Variants in APBA1 observed in about 807,000 individuals in gnomAD.
APBA1 encodes amyloid beta precursor protein binding family A member 1, also known as amyloid-beta A4 precursor protein-binding family A member 1.
Under a neutral mutation model 86.6 loss-of-function variants are expected in APBA1, and 55 were observed. The ratio of observed to expected loss-of-function variants is 0.64; its 90% confidence interval spans 0.51 to 0.80. The LOEUF is 0.80. Among genes scored for constraint, APBA1 ranks in the 30% least tolerant of loss-of-function variants. The probability of loss-of-function intolerance (pLI) is 0.00; values close to 1 mark genes in which losing one functional copy is unlikely to be tolerated. For synonymous variants in APBA1, 511 were observed against 493.9 expected, an observed-to-expected ratio of 1.03 and a Z score of -0.46; for missense variants, 1,090 against 1,183.0, an observed-to-expected ratio of 0.92 and a Z score of 1.15.
At chr9:69,629,004 G>C (rs534687758) in intron 1 of APBA1, among the ~76,000 whole-genome samples, 10 of 152,132 alleles carry the variant, frequency 6.6e-5, no homozygotes, top group East Asian at 3.9e-4. Context: ...GGCTTTTAAC[G>C]ATTTCTTCAT....
intron 1 of APBA1, among the ~76,000 whole-genome samples, chr9:69,635,576 C>A (rs548846655): frequency 6.6e-6 from 1 of 151,666 alleles, no homozygotes; most frequent in African/African-American, 2.4e-5. Flanking sequence ...AAAACAAGAC[C>A]CAATGATCTG....
At chr9:69,604,600 G>A (rs1822429182) in intron 1 of APBA1, among the ~76,000 whole-genome samples, 1 of 144,206 alleles carries the variant, frequency 6.9e-6, no homozygotes, top group African/African-American at 2.6e-5. Flanking sequence ...ACGGGTGTGG[G>A]CACACACATG....
chr9:69,628,378 T>A (rs991001236), intron 1 of APBA1, among the ~76,000 whole-genome samples: 10 of 152,082 alleles, frequency 6.6e-5, no homozygotes, highest in African/African-American at 2.4e-4. Flanking sequence ...GCTGCTAAAT[T>A]TGTGGTGATG....
chr9:69,536,879 CA>C (rs543529629), intron 1 of APBA1, among the ~76,000 whole-genome samples: 2 of 146,040 alleles, frequency 1.4e-5, no homozygotes, highest in South Asian at 2.2e-4. Flanking sequence ...GACTCTGTCT[CA>C]AAAAAAAACC....
At chr9:69,488,327 G>T (rs1196876114) in intron 2 of APBA1, among the ~76,000 whole-genome samples, 2 of 149,082 alleles carry the variant, frequency 1.3e-5, no homozygotes, top group Non-Finnish European at 3.0e-5. Flanking sequence ...GACTTTTTTT[G>T]AAAAAAAAAT....
intron 1 of APBA1, among the ~76,000 whole-genome samples, chr9:69,626,474 T>A (rs996644874): frequency 3.9e-5 from 6 of 152,292 alleles, no homozygotes; most frequent in African/African-American, 1.4e-4. Flanking sequence ...ATGTAATCAC[T>A]CTTCCCATTA....
intron 1 of APBA1, among the ~76,000 whole-genome samples, chr9:69,558,317 T>C (rs1836893461): frequency 6.6e-6 from 1 of 152,162 alleles, no homozygotes; most frequent in South Asian, 2.1e-4. Flanking sequence ...AATCTGTTAA[T>C]AAATTATACT....
intron 1 of APBA1, among the ~76,000 whole-genome samples, chr9:69,629,243 T>C (rs1478314856): frequency 2.0e-5 from 3 of 152,234 alleles, no homozygotes; most frequent in Non-Finnish European, 2.9e-5. Flanking sequence ...ACAAGATTAA[T>C]ATTTAGAATA....
chr9:69,619,282 C>T (rs1406547791), intron 1 of APBA1, among the ~76,000 whole-genome samples: 1 of 152,138 alleles, frequency 6.6e-6, no homozygotes, highest in African/African-American at 2.4e-5. Flanking sequence ...TTTGAAAACA[C>T]ACTCTGAGTC....
chr9:69,620,696 T>C (rs1822798509), intron 1 of APBA1, among the ~76,000 whole-genome samples: 1 of 150,636 alleles, frequency 6.6e-6, no homozygotes, highest in South Asian at 2.1e-4. Context: ...AAAACAAAAC[T>C]GAGAGACAGA....
chr9:69,608,822 T>A (rs942204993), intron 1 of APBA1, among the ~76,000 whole-genome samples: 14 of 152,218 alleles, frequency 9.2e-5, no homozygotes, highest in Non-Finnish European at 2.1e-4. Context: ...TTCTGATGTT[T>A]CCATCAACCT....
intron 1 of APBA1, among the ~76,000 whole-genome samples, chr9:69,592,967 C>T (rs960251451): frequency 3.9e-5 from 6 of 152,062 alleles, no homozygotes; most frequent in African/African-American, 1.4e-4. Flanking sequence ...TATCATTTTA[C>T]CAAATTAAAT....
chr9:69,533,548 A>G (rs1836463700), intron 1 of APBA1, among the ~76,000 whole-genome samples: 3 of 152,258 alleles, frequency 2.0e-5, no homozygotes, highest in Admixed American at 2.0e-4. Flanking sequence ...GAATTTTCTC[A>G]CCACATTTCA....
At chr9:69,519,774 G>A (rs1317863415) in intron 1 of APBA1, among the ~76,000 whole-genome samples, 1 of 152,200 alleles carries the variant, frequency 6.6e-6, no homozygotes, top group Non-Finnish European at 1.5e-5. Flanking sequence ...TCTTTAGCTT[G>A]ATGAAAATCT....
At chr9:69,498,077 G>A (rs760052007) in intron 2 of APBA1, among the ~76,000 whole-genome samples, 1 of 152,064 alleles carries the variant, frequency 6.6e-6, no homozygotes, top group Non-Finnish European at 1.5e-5. Flanking sequence ...CCTGGGGAGG[G>A]AGCACGGCTG....
At chr9:69,645,471 T>C (rs1185586334) in intron 1 of APBA1, among the ~76,000 whole-genome samples, 1 of 152,230 alleles carries the variant, frequency 6.6e-6, no homozygotes, top group East Asian at 1.9e-4. Flanking sequence ...TTCACCACTT[T>C]GTGAGTCCAG....
chr9:69,620,413 G>A lies in APBA1; in HGVS notation c.-70+51740C>T, dbSNP rs71503676. On this transcript the variant is annotated intron_variant, in intron 1 of 12. Coordinates refer to ENST00000265381, the MANE Select transcript of APBA1 (RefSeq NM_001163.4). ...GACAGAGTGCCGGCCAGGCATGGTG[G>A]CTCACACCTGTAATCCCAGCACTTT... Among the ~76,000 whole-genome samples, 5 of 152,010 alleles carry A rather than the reference G, an allele frequency of 3.3e-5. No individual in the cohort carries two copies. The East Asian group carries it at 7.7e-4, about 24-fold the overall frequency.
chr9:69,543,796 T>C (rs1254957498), intron 1 of APBA1, among the ~76,000 whole-genome samples: 4 of 152,224 alleles, frequency 2.6e-5, no homozygotes, highest in Middle Eastern at 3.2e-3. Flanking sequence ...GTCTTAATAA[T>C]GAAGCCATGC....
chr9:69,526,868 C>T (rs1836351101), intron 1 of APBA1, among the ~76,000 whole-genome samples: 1 of 151,972 alleles, frequency 6.6e-6, no homozygotes, highest in Non-Finnish European at 1.5e-5. Flanking sequence ...GGGACATATA[C>T]ACCATACACC....
Sources: gnomAD v4.1 joint callset for allele counts (sites outside exome capture counted in the v4.1 genomes callset) on GRCh38, gnomAD v4.1.1 for gene constraint, MANE v1.5 for transcripts, NCBI Gene and HGNC (gene_info 2026-07-23, HGNC 2026-07-21) for gene names.